The following CECR2 variants were observed in gnomAD, a reference collection of about 807,000 sequenced individuals.
The protein encoded by CECR2 is CECR2 histone acetyl-lysine reader.
In CECR2, 30 loss-of-function variants were observed where a neutral mutation model predicts 154.5. That is an observed-to-expected ratio of 0.19 (90% CI 0.15 to 0.26). The LOEUF is 0.26. CECR2 is among the 10% of genes least tolerant of loss of function. The pLI, the probability that CECR2 is intolerant of heterozygous loss-of-function variation, is 1.00. For synonymous variants in CECR2, 725 were observed against 683.7 expected (o/e 1.06, Z -0.94); for missense variants, 1,743 against 1,829.3 (o/e 0.95, Z 0.86).
intron 1 of CECR2, among the ~76,000 whole-genome samples, chr22:17,364,100 T>C (rs778177527): frequency 2.6e-5 from 4 of 151,840 alleles, no homozygotes; most frequent in African/African-American, 4.8e-5. Flanking sequence ...TCCCAGCACT[T>C]TGGGAGGCCG....
intron 8 of CECR2, among the ~76,000 whole-genome samples, chr22:17,513,420 G>C (rs115678993): frequency 2.0e-3 from 308 of 152,264 alleles, no homozygotes; most frequent in African/African-American, 6.8e-3. Context: ...TTAAATTTGA[G>C]TGACGACACG....
chr22:17,455,950 G>C (rs754372990), intron 1 of CECR2, among the ~76,000 whole-genome samples: 3 of 152,146 alleles, frequency 2.0e-5, no homozygotes, highest in Non-Finnish European at 4.4e-5. Context: ...GAAGGTATTA[G>C]CTGAGGCTGT....
chr22:17,521,262 C>T (rs1486333317), intron 8 of CECR2, among the ~76,000 whole-genome samples: 4 of 152,124 alleles, frequency 2.6e-5, no homozygotes, highest in South Asian at 2.1e-4. Context: ...TCTGTTCGGC[C>T]GGGCGCAGTG....
At chr22:17,539,401 C>T (rs1016783862) in intron 13 of CECR2, among the ~76,000 whole-genome samples, 3 of 152,116 alleles carry the variant, frequency 2.0e-5, no homozygotes, top group Non-Finnish European at 4.4e-5. Flanking sequence ...ACCGAGGGGA[C>T]TGACCCTACA....
intron 9 of CECR2, among the ~76,000 whole-genome samples, chr22:17,525,240 G>T (rs554929447): frequency 8.2e-6 from 1 of 122,206 alleles, no homozygotes; most frequent in Non-Finnish European, 1.6e-5. Context: ...AGCCAAGATC[G>T]TGCCATTGTA....
intron 1 of CECR2, among the ~76,000 whole-genome samples, chr22:17,394,001 C>G (rs2053769349): frequency 6.6e-6 from 1 of 151,044 alleles, no homozygotes; most frequent in Non-Finnish European, 1.5e-5. Flanking sequence ...AATTCTCCTG[C>G]CTCAGCCTCC....
intron 1 of CECR2, among the ~76,000 whole-genome samples, chr22:17,439,986 G>C (rs1322365857): frequency 1.3e-5 from 2 of 151,732 alleles, no homozygotes; most frequent in Non-Finnish European, 2.9e-5. Flanking sequence ...GCAAGCATGG[G>C]TAGTATCAGT....
chr22:17,506,535 A>T (rs1262909768), intron 7 of CECR2, among the ~76,000 whole-genome samples: 1 of 151,998 alleles, frequency 6.6e-6, no homozygotes. Flanking sequence ...GTCGCTTAAC[A>T]TGTTTCTTTA....
At chr22:17,489,882 CTTT>C (rs139768297) in intron 2 of CECR2, among the ~76,000 whole-genome samples, 22 of 140,476 alleles carry the variant, frequency 1.6e-4, no homozygotes, top group African/African-American at 4.4e-4. Flanking sequence ...TTAGCTTGCT[CTTT>C]TTTTTTTTTT....
chr22:17,538,441 G>A, intron 10 of CECR2, 79 bp from the exon 11 acceptor site: 4 of 1,229,676 alleles, frequency 3.3e-6, no homozygotes, highest in South Asian at 2.4e-5. Context: ...TCAGTCAGGT[G>A]TGTCTGCGAT....
At chr22:17,515,922 G>T (rs567776454) in intron 8 of CECR2, among the ~76,000 whole-genome samples, 2 of 152,102 alleles carry the variant, frequency 1.3e-5, no homozygotes, top group African/African-American at 4.8e-5. Context: ...TGATCCACCC[G>T]CCTTAGCCTC....
At chr22:17,490,085 A>G (rs2055498029) in intron 2 of CECR2, among the ~76,000 whole-genome samples, 1 of 151,736 alleles carries the variant, frequency 6.6e-6, no homozygotes, top group Non-Finnish European at 1.5e-5. Flanking sequence ...TGTATTATTT[A>G]AATTCGTGAT....
intron 1 of CECR2, among the ~76,000 whole-genome samples, chr22:17,443,889 G>C (rs868004034): frequency 6.6e-6 from 1 of 152,162 alleles, no homozygotes; most frequent in Non-Finnish European, 1.5e-5. Context: ...ATTTTGAAAT[G>C]TAGGACGGAA....
At chr22:17,474,871 C>T (rs1177117715) in intron 1 of CECR2, among the ~76,000 whole-genome samples, 1 of 152,096 alleles carries the variant, frequency 6.6e-6, no homozygotes, top group South Asian at 2.1e-4. Context: ...TCGCTATGTT[C>T]CTCAGGCTGG....
rs538544040 is a variant in CECR2 at position 17,374,548 on chromosome 22, C to A, written c.126+4639C>A. On this transcript the variant is annotated intron_variant, in intron 1 of 18. Transcript: ENST00000262608. ...TCACATTCTGGAAGCAGCCCCCAAC[C>A]CATACGAGGTTAAGAAGCCCTGAAC... is the stretch of plus-strand genomic sequence containing the variant. Among the ~76,000 whole-genome samples the A allele has an allele frequency of 9.2e-5, 14 of 152,224 alleles. No individual in the cohort carries two copies. In the South Asian group the frequency reaches 1.5e-3, roughly 16 times the overall value.
chr22:17,499,434 G>T lies in CECR2; in HGVS notation c.430G>T (p.Val144Leu). 6.2e-7 allele frequency: 1 copy of T among 1,613,812 alleles called. No homozygotes were observed. The highest frequency in any genetic ancestry group is 8.5e-7 in the Non-Finnish European group (1 of 1,179,780). The change falls in exon 4 of 19, where the codon GTG becomes TTG. Residue 144 changes from valine to leucine, a missense_variant. Physicochemically the swap from Val to Leu is conservative, Grantham distance 32 (BLOSUM62 1). Transcript: ENST00000262608. ...GGGCCTGGATGCAGACAGTCTCCGT[G>T]TGGAGCCATTGGGTGAAGACAATTC... ...LKGLDADSLR[V>L]EPLGEDNSGA...
intron 1 of CECR2, among the ~76,000 whole-genome samples, chr22:17,425,813 G>A (rs2054320832): frequency 6.6e-6 from 1 of 152,156 alleles, no homozygotes; most frequent in Non-Finnish European, 1.5e-5. Flanking sequence ...CTCTGAACTA[G>A]ACTGATGGTG....
At chr22:17,489,332 CG>C (rs2055483559) in intron 2 of CECR2, among the ~76,000 whole-genome samples, 1 of 152,076 alleles carries the variant, frequency 6.6e-6, no homozygotes, top group Non-Finnish European at 1.5e-5. Context: ...TGCATTTCCC[CG>C]ATGACTAGTA....
In CECR2 at chr22:17,405,639, CAA is replaced by C. The variant is rs58874516; in HGVS notation, c.126+35756_126+35757del. Among the ~76,000 whole-genome samples the C allele has an allele frequency of 1.1e-3, 78 of 72,316 alleles. 1 individual carries two copies. The highest frequency in any genetic ancestry group is 1.3e-3 in the Admixed American group (6 of 4,676). The allele number at this position is 72,316 out of a possible 152,430, so 47.4% of individuals were successfully genotyped here. A position where few individuals can be genotyped will look rare whatever the true frequency, so the allele number is the denominator to read the frequency against. Reference sequence around the variant, plus strand: ...TGGGCAAAAGAGTGAGACTCCATCTCAAAAAAAAAAAAAAAAAAAAAAAAAAA... The same window carrying C: ...TGGGCAAAAGAGTGAGACTCCATCTCAAAAAAAAAAAAAAAAAAAAAAAAA... On this transcript the variant is annotated intron_variant, in intron 1 of 18. Transcript: ENST00000262608.
Sources: allele counts gnomAD v4.1 joint callset (sites outside exome capture counted in the v4.1 genomes callset), GRCh38; gene constraint gnomAD v4.1.1; transcripts MANE v1.5; gene names NCBI Gene and HGNC (gene_info 2026-07-23, HGNC 2026-07-21).